TFDP3: variants seen among roughly 807,000 people sequenced by gnomAD.
The protein encoded by TFDP3 is E2F-like protein.
For missense variants in TFDP3, 353 were observed against 321.6 expected, an observed-to-expected ratio of 1.10 and a Z score of -0.75; for synonymous variants, 167 against 131.3, an observed-to-expected ratio of 1.27 and a Z score of -1.86.
chrX:133,217,385 G>A lies in TFDP3; in HGVS notation c.875C>T (p.Thr292Ile). 1 of 1,211,954 alleles carries A rather than the reference G, an allele frequency of 8.3e-7. No individual in the cohort carries two copies. Residue 292 changes from threonine to isoleucine, a missense_variant, in exon 1 of 1, where the codon ACA becomes ATA. Coordinates refer to ENST00000310125, the MANE Select transcript of TFDP3 (RefSeq NM_016521.3). Reference protein sequence around the residue: ...FNSSFEIHDDTEVLMWMGMTF... With the variant: ...FNSSFEIHDDIEVLMWMGMTF... Reference sequence around the variant, plus strand: ...CATGCCCATCCACATCAGCACTTCTGTGTCATCGTGGATTTCAAAGGAGCT... The same window carrying A: ...CATGCCCATCCACATCAGCACTTCTATGTCATCGTGGATTTCAAAGGAGCT...
Position 133,218,098 on chromosome X carries a change from G to A in TFDP3, c.162C>T (p.Asp54=). ...GAGGCATACCAATTACCACTTGCTG[G>A]TCAATGTTGACACTGGACTGTCCAA... ...KTFGQSSVNI[D]QQVVIGMPQR... is the part of the protein sequence containing the mutation. Residue 54 remains aspartate, a synonymous_variant, in exon 1 of 1, where the codon GAC becomes GAT. Transcript: ENST00000310125. 3 of 1,211,367 alleles carry A rather than the reference G, an allele frequency of 2.5e-6. No individual in the cohort carries two copies. Among genetic ancestry groups the A allele is most frequent in the Non-Finnish European group, 3.4e-6 (3 of 895,436 alleles).
Position 133,217,390 on chromosome X carries a change from A to T in TFDP3, c.870T>A (p.Asp290Glu). ...CCATCCACATCAGCACTTCTGTGTCATCGTGGATTTCAAAGGAGCTGTTAA... is the reference window on the plus strand; with the variant it reads ...CCATCCACATCAGCACTTCTGTGTCTTCGTGGATTTCAAAGGAGCTGTTAA... ...FKFNSSFEIH[D>E]DTEVLMWMGM... The change falls in exon 1 of 1, where the codon GAT becomes GAA. Residue 290 changes from aspartate (D) to glutamate (E), a missense_variant. Transcript: ENST00000310125. 1 of 1,211,877 alleles carries T rather than the reference A, an allele frequency of 8.3e-7. No individual in the cohort carries two copies. The highest frequency in any genetic ancestry group is 1.1e-6 in the Non-Finnish European group (1 of 895,534).
Position 133,218,111 on chromosome X carries a change from C to T in TFDP3, c.149G>A (p.Ser50Asn). The T allele has an allele frequency of 1.7e-6, 2 of 1,211,227 alleles. No homozygotes were observed. The highest frequency in any genetic ancestry group is 2.2e-6 in the Non-Finnish European group (2 of 895,391). Residue 50 changes from serine to asparagine, a missense_variant, in exon 1 of 1, where the codon AGT (serine) becomes AAT (asparagine). By Grantham distance (46) the Ser-to-Asn change is conservative (BLOSUM62 1). Coordinates refer to ENST00000310125, the MANE Select transcript of TFDP3 (RefSeq NM_016521.3). ...QLLPKTFGQS[S>N]VNIDQQVVIG... ...TACCACTTGCTGGTCAATGTTGACA[C>T]TGGACTGTCCAAAGGTTTTCGGCAA...
rs1419697552 is a variant in TFDP3 at position 133,217,239 on chromosome X, A to G, written c.1021T>C (p.Phe341Leu). 9.9e-6 allele frequency: 12 copies of G among 1,210,040 alleles called. No homozygotes were observed. Among genetic ancestry groups the G allele is most frequent in the Admixed American group, 2.2e-5 (1 of 45,735 alleles). Residue 341 changes from phenylalanine (F) to leucine (L), a missense_variant, in exon 1 of 1, where the codon TTC becomes CTC. By Grantham distance (22) the Phe-to-Leu change is conservative. Coordinates refer to ENST00000310125, the MANE Select transcript of TFDP3 (RefSeq NM_016521.3). ...EMAQGTFGGV[F>L]TTAGSRSNGT... ...TTAGACCTGGAACCTGCCGTCGTGA[A>G]CACACCTCCAAAAGTTCCCTGAGCC... is the stretch of plus-strand genomic sequence containing the variant.
rs762072463 is a variant in TFDP3 at position 133,217,389 on chromosome X, C to T, written c.871G>A (p.Asp291Asn). Residue 291 changes from aspartate (D) to asparagine (N), a missense_variant, in exon 1 of 1, where the codon GAC becomes AAC. Coordinates refer to ENST00000310125, the MANE Select transcript of TFDP3 (RefSeq NM_016521.3). ...KFNSSFEIHD[D>N]TEVLMWMGMT... ...CCCATCCACATCAGCACTTCTGTGT[C>T]ATCGTGGATTTCAAAGGAGCTGTTA... is the stretch of plus-strand genomic sequence containing the variant. The T allele has an allele frequency of 3.3e-6, 4 of 1,212,023 alleles. No individual in the cohort carries two copies. The Admixed American group carries it at 8.7e-5, about 26-fold the overall frequency.
At position 133,218,339 on chromosome X, in the gene TFDP3, G is replaced by C. The variant is rs2068022754; in HGVS notation, c.-80C>G. ...AACAATTCTTCCAGGCCGAGTGTAGGGCTGCCGTGAGGTGCGTGGCGTAAC... is the reference window on the plus strand; with the variant it reads ...AACAATTCTTCCAGGCCGAGTGTAGCGCTGCCGTGAGGTGCGTGGCGTAAC... On this transcript the variant is annotated 5_prime_UTR_variant, in exon 1 of 1. Coordinates refer to ENST00000310125, the MANE Select transcript of TFDP3 (RefSeq NM_016521.3). 1.0e-6 allele frequency: 1 copy of C among 967,449 alleles called. No homozygotes were observed. Among genetic ancestry groups the C allele is most frequent in the Non-Finnish European group, 1.4e-6 (1 of 722,096 alleles). 79.7% of individuals were successfully genotyped at this position (967,449 alleles called of 1,213,427 possible). A position where few individuals can be genotyped will look rare whatever the true frequency, so the allele number is the denominator to read the frequency against.
Position 133,217,699 on chromosome X carries a change from A to G in TFDP3, c.561T>C (p.Ile187=). 1.6e-6 allele frequency: 2 copies of G among 1,212,167 alleles called. No homozygotes were observed. Among genetic ancestry groups the G allele is most frequent in the Non-Finnish European group, 1.1e-6 (1 of 895,545 alleles). The change falls in exon 1 of 1, where the codon ATT becomes ATC. Residue 187 remains isoleucine, a synonymous_variant. Transcript: ENST00000310125. ...TCTGAGCCGAGTTGGTGGTCAGACC[A>G]ATCCACTTGATCTTCTTTTTCTCCC... ...ISREKKKIKW[I]GLTTNSAQNC...
Position 133,216,991 on chromosome X carries a change from T to G in TFDP3, c.*51A>C. 3.6e-6 allele frequency: 4 copies of G among 1,118,513 alleles called. No individual in the cohort carries two copies. The highest frequency in any genetic ancestry group is 2.3e-6 in the Non-Finnish European group (2 of 852,385). The allele number at this position is 1,118,513 out of a possible 1,213,427, so 92.2% of individuals were successfully genotyped here. A position where few individuals can be genotyped will look rare whatever the true frequency, so the allele number is the denominator to read the frequency against. ...CCTCACATTAAAAAAAAAAAAAAAG[T>G]TTCTTTTCCCTAAATGTTTTCCTGA... On this transcript the variant is annotated 3_prime_UTR_variant, in exon 1 of 1. Coordinates refer to ENST00000310125, the MANE Select transcript of TFDP3 (RefSeq NM_016521.3).
rs765214368 is a variant in TFDP3 at position 133,217,279 on chromosome X, C to T, written c.981G>A (p.Pro327=). 9.9e-6 allele frequency: 12 copies of T among 1,210,591 alleles called. No homozygotes were observed. The highest frequency in any genetic ancestry group is 7.0e-5 in the African/African-American group (4 of 57,314). The part of the protein sequence containing the change: ...ARNLVPKALE[P]YVTEMAQGTF... ...TTCCCTGAGCCATTTCTGTCACGTA[C>T]GGCTCCAGAGCCTTTGGGACCAAAT... The change falls in exon 1 of 1, where the codon CCG becomes CCA. Residue 327 remains proline (P), a synonymous_variant. Transcript: ENST00000310125.
Position 133,218,018 on chromosome X carries a change from G to C in TFDP3, c.242C>G (p.Thr81Ser). The change falls in exon 1 of 1, where the codon ACT becomes AGT. Residue 81 changes from threonine (T) to serine (S), a missense_variant. Transcript: ENST00000310125. Reference sequence around the variant, plus strand: ...ATGCTGGTTCTGAGAGGCAAAGTGAGTGCTGGGTGGGTTTGGGCTTCCTAC... The same window carrying C: ...ATGCTGGTTCTGAGAGGCAAAGTGACTGCTGGGTGGGTTTGGGCTTCCTAC... ...PVVGSPNPPS[T>S]HFASQNQHSY... The C allele has an allele frequency of 1.6e-6, 2 of 1,212,130 alleles. No homozygotes were observed. Among genetic ancestry groups the C allele is most frequent in the South Asian group, 1.8e-5 (1 of 56,995 alleles).
chrX:133,217,875 A>G lies in TFDP3; in HGVS notation c.385T>C (p.Ser129Pro). ...AGCTCGCCCACCACTTCCTGGCAGG[A>G]AGTGGTCCCTTTCCTCTGCACCGTC... ...WETVQRKGTT[S>P]CQEVVGELVA... The change falls in exon 1 of 1, where the codon TCC (serine) becomes CCC (proline). Residue 129 changes from serine (S) to proline (P), a missense_variant. By Grantham distance (74) the Ser-to-Pro change is moderately conservative. Coordinates refer to ENST00000310125, the MANE Select transcript of TFDP3 (RefSeq NM_016521.3). 8.3e-7 allele frequency: 1 copy of G among 1,211,252 alleles called. No individual in the cohort carries two copies. Among genetic ancestry groups the G allele is most frequent in the Non-Finnish European group, 1.1e-6 (1 of 895,367 alleles).
In TFDP3 at chrX:133,217,158, T is replaced by C; in HGVS notation, c.1102A>G (p.Thr368Ala). ...LTNIAIGMLA[T>A]SSGGSQYSGS... ...CTGTACTGAGATCCACCGGAGCTTG[T>C]GGCCAGCATCCCAATCGCAATGTTG... The change falls in exon 1 of 1, where the codon ACA becomes GCA. Residue 368 changes from threonine to alanine, a missense_variant. Thr to Ala is a moderately conservative substitution (Grantham distance 58, BLOSUM62 0). Transcript: ENST00000310125. 1.7e-6 allele frequency: 2 copies of C among 1,211,454 alleles called. No individual in the cohort carries two copies. The highest frequency in any genetic ancestry group is 2.2e-6 in the Non-Finnish European group (2 of 895,500).
In TFDP3 at chrX:133,217,675, C is replaced by A. The variant is rs35745873; in HGVS notation, c.585G>T (p.Gln195His). 43,003 of 1,210,435 alleles carry A rather than the reference C, an allele frequency of 0.036. 575 individuals are homozygous for A. The highest frequency in any genetic ancestry group is 0.044 in the South Asian group (2,483 of 56,832). The stretch of plus-strand genomic sequence containing the variant: ...TTTCCACCCGTAAGTTCTGACAGTT[C>A]TGAGCCGAGTTGGTGGTCAGACCAA... ...KWIGLTTNSAQNCQNLRVERQ... is the reference protein window; with the variant it reads ...KWIGLTTNSAHNCQNLRVERQ... The change falls in exon 1 of 1, where the codon CAG (glutamine) becomes CAT (histidine). Residue 195 changes from glutamine to histidine, a missense_variant. Physicochemically the swap from Gln to His is conservative, Grantham distance 24. Coordinates refer to ENST00000310125, the MANE Select transcript of TFDP3 (RefSeq NM_016521.3).
At position 133,218,321 on chromosome X, in the gene TFDP3, C is replaced by A. The variant is rs960373228; in HGVS notation, c.-62G>T. ...ACCTTTCCAGAGAAGAAAAACAATTCTTCCAGGCCGAGTGTAGGGCTGCCG... is the reference window on the plus strand; with the variant it reads ...ACCTTTCCAGAGAAGAAAAACAATTATTCCAGGCCGAGTGTAGGGCTGCCG... On this transcript the variant is annotated 5_prime_UTR_variant, in exon 1 of 1. Coordinates refer to ENST00000310125, the MANE Select transcript of TFDP3 (RefSeq NM_016521.3). The A allele has an allele frequency of 9.6e-7, 1 of 1,037,770 alleles. No homozygotes were observed. Among genetic ancestry groups the A allele is most frequent in the Middle Eastern group, 2.7e-4 (1 of 3,650 alleles). The allele number at this position is 1,037,770 out of a possible 1,213,427, so 85.5% of individuals were successfully genotyped here.
exon 1 of TFDP3, chrX:133,218,350 GGTGCGTGGCGTAAC>G (rs143974433): frequency 0.037 from 27,666 of 746,910 alleles, 5,303 homozygotes; most frequent in East Asian, 0.16. Flanking sequence ...GCTGCCGTGA[GGTGCGTGGCGTAAC>G]GTGCGTGGCG....
rs2068011595 is a variant in TFDP3, at chrX:133,216,678, G to A, written c.*364C>T. The A allele has an allele frequency of 6.8e-6, 1 of 147,212 alleles. No homozygotes were observed. The highest frequency in any genetic ancestry group is 1.3e-5 in the Non-Finnish European group (1 of 76,383). 12.1% of individuals were successfully genotyped at this position (147,212 alleles called of 1,213,427 possible). ...ATTCGGTACTCACTGTGCACAAAAGGAGAGCATTTTATTTTCATGGATGTG... is the reference window on the plus strand; with the variant it reads ...ATTCGGTACTCACTGTGCACAAAAGAAGAGCATTTTATTTTCATGGATGTG... On this transcript the variant is annotated 3_prime_UTR_variant, in exon 1 of 1. Coordinates refer to ENST00000310125, the MANE Select transcript of TFDP3 (RefSeq NM_016521.3).
At position 133,217,630 on chromosome X, in the gene TFDP3, T is replaced by A. The variant is rs372437742; in HGVS notation, c.630A>T (p.Arg210Ser). ...GAAGTTCAGACTGTTTCTGCTTTAT[T>A]CTTTCAAGTCTCTTCTGTCTTTCCA... is the stretch of plus-strand genomic sequence containing the variant. Reference protein sequence around the residue: ...LRVERQKRLERIKQKQSELQQ... With the variant: ...LRVERQKRLESIKQKQSELQQ... Residue 210 changes from arginine to serine, a missense_variant, in exon 1 of 1, where the codon AGA becomes AGT. Arg to Ser is a moderately radical substitution (Grantham distance 110). Transcript: ENST00000310125. 9 of 1,210,475 alleles carry A rather than the reference T, an allele frequency of 7.4e-6. No individual in the cohort carries two copies. In the East Asian group the frequency reaches 1.2e-4, roughly 16 times the overall value.
Position 133,217,523 on chromosome X carries a change from G to A in TFDP3, c.737C>T (p.Pro246Leu), listed in dbSNP as rs746359549. 6.6e-6 allele frequency: 8 copies of A among 1,210,371 alleles called. No individual in the cohort carries two copies. In the African/African-American group the frequency reaches 7.0e-5, roughly 11 times the overall value. The change falls in exon 1 of 1, where the codon CCG (proline) becomes CTG (leucine). Residue 246 changes from proline (P) to leucine (L), a missense_variant. Coordinates refer to ENST00000310125, the MANE Select transcript of TFDP3 (RefSeq NM_016521.3). The stretch of plus-strand genomic sequence containing the variant: ...CACGTGGATGACTGAGTTGGGCAGC[G>A]GCCGCTGGCTGACCTGCTCCTCCAC... The part of the protein sequence containing the change: ...QYVEEQVSQR[P>L]LPNSVIHVPF...
rs199819175 is a variant in TFDP3 at position 133,217,176 on chromosome X, C to T, written c.1084G>A (p.Ala362Thr). Reference protein sequence around the residue: ...WLSASDLTNIAIGMLATSSGG... With the variant: ...WLSASDLTNITIGMLATSSGG... ...GAGCTTGTGGCCAGCATCCCAATCG[C>T]AATGTTGGTCAGGTCACTGGCAGAA... is the stretch of plus-strand genomic sequence containing the variant. The change falls in exon 1 of 1, where the codon GCG (alanine) becomes ACG (threonine). Residue 362 changes from alanine to threonine, a missense_variant. Coordinates refer to ENST00000310125, the MANE Select transcript of TFDP3 (RefSeq NM_016521.3). 8.1e-5 allele frequency: 98 copies of T among 1,209,494 alleles called. No homozygotes were observed. The African/African-American group carries it at 1.7e-3, about 21-fold the overall frequency.
Sources: gnomAD v4.1 joint callset for allele counts on GRCh38, gnomAD v4.1.1 for gene constraint, MANE v1.5 for transcripts, NCBI Gene and HGNC (gene_info 2026-07-23, HGNC 2026-07-21) for gene names.